The following KLHL29 variants were observed in gnomAD, a reference collection of about 807,000 sequenced individuals.
The protein encoded by KLHL29 is kelch like family member 29.
In KLHL29, 21 loss-of-function variants were observed where a neutral mutation model predicts 80.4. That is an observed-to-expected ratio of 0.26 (90% confidence interval 0.19 to 0.38). The LOEUF is 0.38. Ranked by LOEUF, KLHL29 falls within the 10% of genes least tolerant of loss-of-function variation. The pLI is 1.00. For synonymous variants in KLHL29, 511 were observed against 526.8 expected, an observed-to-expected ratio of 0.97 and a Z score of 0.41; for missense variants, 867 against 1,223.9, an observed-to-expected ratio of 0.71 and a Z score of 4.35.
intron 5 of KLHL29, among the ~76,000 whole-genome samples, chr2:23,649,052 C>A (rs1670017499): frequency 6.6e-6 from 1 of 152,174 alleles, no homozygotes; most frequent in South Asian, 2.1e-4. Flanking sequence ...GTTGTTATGA[C>A]CACTACTGTA....
At chr2:23,672,185 G>A (rs1001934226) in intron 5 of KLHL29, 4 of 152,346 alleles carry the variant, frequency 2.6e-5, no homozygotes, top group African/African-American at 9.6e-5. Context: ...GCCAAGTCCA[G>A]GCCTCATGGC....
chr2:23,599,540 T>C (rs1668515060), intron 3 of KLHL29, among the ~76,000 whole-genome samples: 1 of 151,110 alleles, frequency 6.6e-6, no homozygotes, highest in African/African-American at 2.4e-5. Context: ...ATATTTACTA[T>C]ATTTAATAAT....
At chr2:23,570,370 C>T (rs1667689727) in intron 3 of KLHL29, among the ~76,000 whole-genome samples, 1 of 152,294 alleles carries the variant, frequency 6.6e-6, no homozygotes, top group South Asian at 2.1e-4. Context: ...TAGCAGAAGG[C>T]CAGTTGTCTG....
chr2:23,515,112 A>T (rs979605505), intron 2 of KLHL29, among the ~76,000 whole-genome samples: 1 of 151,942 alleles, frequency 6.6e-6, no homozygotes, highest in Non-Finnish European at 1.5e-5. Flanking sequence ...TTAACCACCA[A>T]CTCTAACCCA....
chr2:23,436,226 G>A (rs991683579), intron 1 of KLHL29, among the ~76,000 whole-genome samples: 2 of 150,808 alleles, frequency 1.3e-5, no homozygotes, highest in African/African-American at 4.9e-5. Context: ...TGAGCATGTT[G>A]CTGATACTCA....
At chr2:23,552,153 C>T (rs1667147468) in intron 2 of KLHL29, among the ~76,000 whole-genome samples, 1 of 152,220 alleles carries the variant, frequency 6.6e-6, no homozygotes, top group Non-Finnish European at 1.5e-5. Flanking sequence ...TACAGGGGCT[C>T]TCCAAATCCT....
intron 1 of KLHL29, among the ~76,000 whole-genome samples, chr2:23,454,409 A>T (rs955719205): frequency 1.3e-5 from 2 of 152,224 alleles, no homozygotes; most frequent in Admixed American, 1.3e-4. Flanking sequence ...TTTATTTCAC[A>T]GAGTAATTGT....
intron 1 of KLHL29, among the ~76,000 whole-genome samples, chr2:23,433,380 T>C (rs1309408372): frequency 6.6e-6 from 1 of 152,120 alleles, no homozygotes; most frequent in Non-Finnish European, 1.5e-5. Context: ...TTTCTGACTT[T>C]ACTGCACCAT....
chr2:23,524,249 A>G, intron 2 of KLHL29: 3 of 289,464 alleles, frequency 1.0e-5, no homozygotes, highest in Non-Finnish European at 2.1e-5. Context: ...ATCTCTTTCT[A>G]TTACACCAAA....
At chr2:23,552,761 C>CTTTCTTTTTTTTTTTT (rs1667160740) in intron 2 of KLHL29, among the ~76,000 whole-genome samples, 1 of 95,576 alleles carries the variant, frequency 1.0e-5, no homozygotes, top group African/African-American at 4.7e-5. Flanking sequence ...GGTTTCTTTT[C>CTTTCTTTTTTTTTTTT]TTTTTTTTTT....
rs746729913 is a variant in KLHL29 at position 23,525,726 on chromosome 2, GCCCC to G, written c.-45-36417_-45-36414del. The stretch of plus-strand genomic sequence containing the variant: ...AGAGGCCGAGTGAGCCCCAGCCCCT[GCCCC>G]CCCCCCCCACCCGAGGCGAGCCAGC... On this transcript the variant is annotated intron_variant, in intron 2 of 13. Coordinates refer to ENST00000486442, the MANE Select transcript of KLHL29 (RefSeq NM_052920.2). 8.0e-5 allele frequency among the ~76,000 whole-genome samples: 5 copies of G among 62,590 alleles called. No homozygotes were observed. The East Asian group carries it at 2.0e-3, about 25-fold the overall frequency. The allele number at this position is 62,590 out of a possible 152,430, so 41.1% of individuals were successfully genotyped here.
chr2:23,418,520 G>A (rs1662672642), intron 1 of KLHL29, among the ~76,000 whole-genome samples: 1 of 152,240 alleles, frequency 6.6e-6, no homozygotes, highest in Non-Finnish European at 1.5e-5. Flanking sequence ...GCATTTCTGA[G>A]CTAGTTTACA....
At chr2:23,531,131 A>C (rs1666477650) in intron 2 of KLHL29, among the ~76,000 whole-genome samples, 1 of 152,254 alleles carries the variant, frequency 6.6e-6, no homozygotes, top group Admixed American at 6.5e-5. Context: ...ACTCGGCAGA[A>C]GCCTGGCTGA....
At chr2:23,663,490 G>A (rs1425732814) in intron 5 of KLHL29, among the ~76,000 whole-genome samples, 5 of 152,206 alleles carry the variant, frequency 3.3e-5, no homozygotes, top group Non-Finnish European at 7.3e-5. Flanking sequence ...GAGGTGGCGC[G>A]TCTGCGAGCG....
intron 2 of KLHL29, among the ~76,000 whole-genome samples, chr2:23,516,320 G>C (rs1465694722): frequency 6.6e-6 from 1 of 152,156 alleles, no homozygotes; most frequent in Non-Finnish European, 1.5e-5. Flanking sequence ...ACACAGCCTA[G>C]CATCTGCACT....
chr2:23,573,272 C>CATTT (rs1667762947), intron 3 of KLHL29, among the ~76,000 whole-genome samples: 1 of 152,166 alleles, frequency 6.6e-6, no homozygotes, highest in Non-Finnish European at 1.5e-5. Context: ...CAGCTTTTTG[C>CATTT]ATTTATTTAT....
In KLHL29 at chr2:23,446,204, G is replaced by GTT. The variant is rs11421477; in HGVS notation, c.-153-29343_-153-29342dup. On this transcript the variant is annotated intron_variant, in intron 1 of 13. Coordinates refer to ENST00000486442, the MANE Select transcript of KLHL29 (RefSeq NM_052920.2). Reference sequence around the variant, plus strand: ...TAGTTAGCTGTCTAATGCATTTGGAGTTTTTTTTTTTTTTCTGGTGAATGG... The same window carrying GTT: ...TAGTTAGCTGTCTAATGCATTTGGAGTTTTTTTTTTTTTTTTCTGGTGAATGG... Among the ~76,000 whole-genome samples the GTT allele has an allele frequency of 8.2e-3, 1,179 of 144,032 alleles. 12 individuals are homozygous for GTT. Among genetic ancestry groups the GTT allele is most frequent in the African/African-American group, 0.023 (901 of 39,512 alleles). 94.5% of individuals were successfully genotyped at this position (144,032 alleles called of 152,430 possible). A position where few individuals can be genotyped will look rare whatever the true frequency, so the allele number is the denominator to read the frequency against.
intron 6 of KLHL29, among the ~76,000 whole-genome samples, chr2:23,685,993 G>A (rs928411592): frequency 7.9e-5 from 12 of 152,158 alleles, no homozygotes; most frequent in Admixed American, 7.2e-4. Flanking sequence ...CAGGGCCCTC[G>A]GATGGCTTTC....
intron 2 of KLHL29, among the ~76,000 whole-genome samples, chr2:23,547,212 T>G (rs1667000665): frequency 6.6e-6 from 1 of 152,148 alleles, no homozygotes; most frequent in Non-Finnish European, 1.5e-5. Context: ...CTGGGGAGGC[T>G]GAAGCAGCAG....
Sources: gnomAD v4.1 joint callset for allele counts (sites outside exome capture counted in the v4.1 genomes callset) on GRCh38, gnomAD v4.1.1 for gene constraint, MANE v1.5 for transcripts, NCBI Gene and HGNC (gene_info 2026-07-23, HGNC 2026-07-21) for gene names.